The following RAP1GDS1 variants were observed in gnomAD, a reference collection of about 807,000 sequenced individuals.
The protein encoded by RAP1GDS1 is RAP1, GTP-GDP dissociation stimulator 1.
Under a neutral mutation model 71.1 loss-of-function variants are expected in RAP1GDS1, and 35 were observed. That is an observed-to-expected ratio of 0.49 (90% CI 0.38 to 0.65). The LOEUF is 0.65. Ranked by LOEUF, RAP1GDS1 falls within the 30% of genes least tolerant of loss-of-function variation. The pLI is 0.00. For synonymous variants in RAP1GDS1, 229 were observed against 243.1 expected, an observed-to-expected ratio of 0.94 and a Z score of 0.54; for missense variants, 663 against 706.1, an observed-to-expected ratio of 0.94 and a Z score of 0.69.
chr4:98,422,325 C>T (rs1160967590), intron 12 of RAP1GDS1, among the ~76,000 whole-genome samples: 2 of 152,138 alleles, frequency 1.3e-5, no homozygotes, highest in Admixed American at 1.3e-4. Context: ...TCAAGCAATT[C>T]TCCTGCCTCA....
At chr4:98,392,765 T>A (rs1212361604) in intron 6 of RAP1GDS1, among the ~76,000 whole-genome samples, 1 of 152,220 alleles carries the variant, frequency 6.6e-6, no homozygotes, top group African/African-American at 2.4e-5. Context: ...AAGAGGAATC[T>A]AACGTTAGAC....
chr4:98,343,149 A>G lies in RAP1GDS1; in HGVS notation c.123A>G (p.Thr41=), dbSNP rs1266959597. ...LQALAQNNTE[T]SEKIQASGIL... The stretch of plus-strand genomic sequence containing the variant: ...ATGTATCTCTTTTAGATACGGAAAC[A>G]AGTGAAAAAATCCAAGCAAGTGGAA... Residue 41 remains threonine, a synonymous_variant, in exon 3 of 15, where the codon ACA becomes ACG. Coordinates refer to ENST00000408927, the MANE Select transcript of RAP1GDS1 (RefSeq NM_001100427.2). 6.2e-7 allele frequency: 1 copy of G among 1,609,036 alleles called. No individual in the cohort carries two copies. Among genetic ancestry groups the G allele is most frequent in the Non-Finnish European group, 8.5e-7 (1 of 1,176,966 alleles).
intron 3 of RAP1GDS1, among the ~76,000 whole-genome samples, chr4:98,351,864 A>G (rs946525371): frequency 6.6e-6 from 1 of 152,076 alleles, no homozygotes; most frequent in Non-Finnish European, 1.5e-5. Flanking sequence ...ATAGCAGCAG[A>G]TATGAGTGAG....
At chr4:98,272,524 G>C (rs533419923) in intron 1 of RAP1GDS1, among the ~76,000 whole-genome samples, 6 of 152,244 alleles carry the variant, frequency 3.9e-5, no homozygotes, top group African/African-American at 1.2e-4. Flanking sequence ...ATCTGTGGTC[G>C]GACGTTGTCA....
At position 98,404,580 on chromosome 4, in the gene RAP1GDS1, T is replaced by C; in HGVS notation, c.741T>C (p.Val247=). 1 of 1,602,454 alleles carries C rather than the reference T, an allele frequency of 6.2e-7. No individual in the cohort carries two copies. The highest frequency in any genetic ancestry group is 8.5e-7 in the Non-Finnish European group (1 of 1,176,036). Residue 247 remains valine (V), a synonymous_variant, in exon 7 of 15, where the codon GTT becomes GTC. Coordinates refer to ENST00000408927, the MANE Select transcript of RAP1GDS1 (RefSeq NM_001100427.2). The part of the protein sequence containing the change: ...EHDKREMIFE[V]LAPLAENDAI... ...ATAAGAGAGAAATGATTTTTGAAGT[T>C]CTTGCTCCATTGGCAGAAAATGGTG...
chr4:98,351,667 C>T (rs959083680), intron 3 of RAP1GDS1, among the ~76,000 whole-genome samples: 1 of 150,846 alleles, frequency 6.6e-6, no homozygotes, highest in Non-Finnish European at 1.5e-5. Flanking sequence ...TACATACTTC[C>T]TTATGTTTTG....
chr4:98,267,758 C>T (rs1722902639), intron 1 of RAP1GDS1, among the ~76,000 whole-genome samples: 1 of 152,008 alleles, frequency 6.6e-6, no homozygotes, highest in Non-Finnish European at 1.5e-5. Context: ...TGATAGGCAC[C>T]TGGGTTGTTT....
Position 98,416,745 on chromosome 4 carries a change from A to G in RAP1GDS1, c.764A>G (p.Asp255Gly). The change falls in exon 8 of 15, where the codon GAT becomes GGT. Residue 255 changes from aspartate (D) to glycine (G), a missense_variant and splice_region_variant. Asp to Gly is a moderately conservative substitution (Grantham distance 94). Coordinates refer to ENST00000408927, the MANE Select transcript of RAP1GDS1 (RefSeq NM_001100427.2). ...FEVLAPLAEN[D>G]AIKLQLVEAG... ...TTATTTTGTTCACGTTGTTCTTTAGATGCTATTAAACTACAGCTGGTTGAA... is the reference window on the plus strand; with the variant it reads ...TTATTTTGTTCACGTTGTTCTTTAGGTGCTATTAAACTACAGCTGGTTGAA... 6.3e-7 allele frequency: 1 copy of G among 1,595,878 alleles called. No individual in the cohort carries two copies. The highest frequency in any genetic ancestry group is 1.3e-5 in the African/African-American group (1 of 74,468).
At position 98,352,487 on chromosome 4, in the gene RAP1GDS1, A is replaced by G. The variant is rs1213913268; in HGVS notation, c.247A>G (p.Ile83Val). 1.9e-6 allele frequency: 3 copies of G among 1,613,526 alleles called. No homozygotes were observed. The African/African-American group carries it at 4.0e-5, about 22-fold the overall frequency. Reference protein sequence around the residue: ...AEVAKNEFMRIPCVDAGLISP... With the variant: ...AEVAKNEFMRVPCVDAGLISP... ...TCTCTTATTTTCAGAGTTTATGCGA[A>G]TTCCATGTGTGGATGCTGGATTGAT... Residue 83 changes from isoleucine to valine, a missense_variant, in exon 4 of 15, where the codon ATT becomes GTT. Transcript: ENST00000408927.
At chr4:98,409,674 G>A in intron 7 of RAP1GDS1, 1 of 367,932 alleles carries the variant, frequency 2.7e-6, no homozygotes, top group South Asian at 2.7e-5. Context: ...TGAAGCAACA[G>A]TCTGTTCCAC....
chr4:98,428,227 A>G (rs913039765), intron 12 of RAP1GDS1, among the ~76,000 whole-genome samples: 3 of 152,220 alleles, frequency 2.0e-5, no homozygotes, highest in Non-Finnish European at 4.4e-5. Context: ...ACTTAAATCT[A>G]AGACCTGAAA....
Position 98,441,428 on chromosome 4 carries a change from A to C in RAP1GDS1, c.1697-562A>C, listed in dbSNP as rs923329456. ...ATGAAGTATAAACTTTTCTTTTGCC[A>C]CAAAATTAATTTGAAACATATCCTA... On this transcript the variant is annotated intron_variant, in intron 14 of 14. Coordinates refer to ENST00000408927, the MANE Select transcript of RAP1GDS1 (RefSeq NM_001100427.2). 11 of 985,124 alleles carry C rather than the reference A, an allele frequency of 1.1e-5. No homozygotes were observed. The African/African-American group carries it at 1.6e-4, about 14-fold the overall frequency. The allele number at this position is 985,124 out of a possible 1,614,324, so 61.0% of individuals were successfully genotyped here. A position where few individuals can be genotyped will look rare whatever the true frequency, so the allele number is the denominator to read the frequency against.
intron 6 of RAP1GDS1, among the ~76,000 whole-genome samples, chr4:98,402,176 A>AT (rs931553227): frequency 2.0e-5 from 3 of 152,010 alleles, no homozygotes; most frequent in Non-Finnish European, 4.4e-5. Context: ...GGTTTAAGTG[A>AT]TTGTTGTGCC....
chr4:98,293,127 TAA>T (rs1174255778), intron 1 of RAP1GDS1, among the ~76,000 whole-genome samples: 1 of 152,164 alleles, frequency 6.6e-6, no homozygotes, highest in Non-Finnish European at 1.5e-5. Context: ...ACAAGCTCAA[TAA>T]GTTATAAGAA....
chr4:98,418,571 A>G, intron 9 of RAP1GDS1, 86 bp from the exon 10 acceptor site: 1 of 1,197,936 alleles, frequency 8.3e-7, no homozygotes, highest in Non-Finnish European at 1.1e-6. Context: ...ATTTTCCCTA[A>G]TGTAGATAAT....
At chr4:98,296,909 C>A in intron 2 of RAP1GDS1, 1 of 392,212 alleles carries the variant, frequency 2.5e-6, no homozygotes, top group Non-Finnish European at 5.1e-6. Flanking sequence ...CATTTTATTC[C>A]ATTTTGAGGA....
chr4:98,412,636 G>A (rs1471624662), intron 7 of RAP1GDS1, among the ~76,000 whole-genome samples: 2 of 152,182 alleles, frequency 1.3e-5, no homozygotes, highest in Admixed American at 6.5e-5. Flanking sequence ...ATACAAAGAT[G>A]AGTAAGGTGT....
intron 2 of RAP1GDS1, among the ~76,000 whole-genome samples, chr4:98,294,260 A>G (rs528658906): frequency 2.0e-3 from 303 of 152,112 alleles, no homozygotes; most frequent in African/African-American, 7.2e-3. Flanking sequence ...CTCTTGTCCT[A>G]TCCTGAAACT....
At chr4:98,311,538 T>A (rs965441940) in intron 2 of RAP1GDS1, among the ~76,000 whole-genome samples, 3 of 152,164 alleles carry the variant, frequency 2.0e-5, no homozygotes, top group Non-Finnish European at 2.9e-5. Flanking sequence ...TGTGTGACAT[T>A]GGAGAGAGAT....
Sources: gnomAD v4.1 joint callset for allele counts (sites outside exome capture counted in the v4.1 genomes callset) on GRCh38, gnomAD v4.1.1 for gene constraint, MANE v1.5 for transcripts, NCBI Gene and HGNC (gene_info 2026-07-23, HGNC 2026-07-21) for gene names.